CPEB3: variants seen among roughly 807,000 people sequenced by gnomAD.
CPEB3 encodes the protein cytoplasmic polyadenylation element-binding protein 3.
In CPEB3, 20 loss-of-function variants were observed where a neutral mutation model predicts 67.2. The ratio of observed to expected loss-of-function variants is 0.30; its 90% CI spans 0.21 to 0.43. CPEB3 has a LOEUF of 0.43. Among genes scored for constraint, CPEB3 ranks in the 20% least tolerant of loss-of-function variants. CPEB3 has a pLI of 1.00. For missense variants in CPEB3, 746 were observed against 968.6 expected (o/e 0.77, Z 3.05); for synonymous variants, 376 against 393.1 (o/e 0.96, Z 0.51).
chr10:92,047,275 A>C lies in CPEB3; in HGVS notation c.*4937T>G, dbSNP rs78525297. On this transcript the variant is annotated 3_prime_UTR_variant, in exon 10 of 10. Coordinates refer to ENST00000265997, the MANE Select transcript of CPEB3 (RefSeq NM_014912.5). The stretch of plus-strand genomic sequence containing the variant: ...TGGTTATTATAAAAGAAAAAAAAAA[A>C]CAAATGTTAGCTGACATACCATACA... 1 of 152,022 alleles carries C rather than the reference A, an allele frequency of 6.6e-6. No individual in the cohort carries two copies. The highest frequency in any genetic ancestry group is 1.5e-5 in the Non-Finnish European group (1 of 67,998). The allele number at this position is 152,022 out of a possible 1,614,324, so 9.4% of individuals were successfully genotyped here. A position where few individuals can be genotyped will look rare whatever the true frequency, so the allele number is the denominator to read the frequency against.
intron 7 of CPEB3, among the ~76,000 whole-genome samples, chr10:92,101,303 C>T (rs576598644): frequency 2.0e-5 from 3 of 152,170 alleles, no homozygotes; most frequent in Non-Finnish European, 4.4e-5. Flanking sequence ...TTTTCAGTAC[C>T]GTTCAAACTC....
intron 9 of CPEB3, among the ~76,000 whole-genome samples, chr10:92,076,839 GAA>G (rs766942747): frequency 2.8e-3 from 205 of 72,918 alleles, no homozygotes; most frequent in African/African-American, 6.1e-3. Flanking sequence ...GAGGAGGAAA[GAA>G]AGAGAGAGAA....
chr10:92,154,078 A>G (rs958295359), intron 4 of CPEB3, among the ~76,000 whole-genome samples: 14 of 152,354 alleles, frequency 9.2e-5, no homozygotes, highest in Admixed American at 9.1e-4. Flanking sequence ...TTTCATGGAG[A>G]GCATAAAAAC....
In CPEB3 at chr10:92,236,992, A is replaced by G. The variant is rs1036496259; in HGVS notation, c.1005+2354T>C. The stretch of plus-strand genomic sequence containing the variant: ...TTGCTATTCTATAAAATAAACTCTG[A>G]TTTAAATAAAATCACATTTGCCAGA... On this transcript the variant is annotated intron_variant, in intron 2 of 9. Coordinates refer to ENST00000265997, the MANE Select transcript of CPEB3 (RefSeq NM_014912.5). 2.0e-5 allele frequency among the ~76,000 whole-genome samples: 3 copies of G among 151,906 alleles called. No homozygotes were observed. The East Asian group carries it at 5.8e-4, about 29-fold the overall frequency.
intron 6 of CPEB3, among the ~76,000 whole-genome samples, chr10:92,126,584 A>T (rs1305932975): frequency 6.6e-6 from 1 of 152,230 alleles, no homozygotes; most frequent in African/African-American, 2.4e-5. Context: ...CAAATGTTAA[A>T]ATGTACCTTG....
At chr10:92,078,472 C>A (rs1046337813) in intron 9 of CPEB3, among the ~76,000 whole-genome samples, 13 of 152,024 alleles carry the variant, frequency 8.6e-5, no homozygotes, top group Non-Finnish European at 2.9e-5. Context: ...AGGCTTCTGG[C>A]CTTAAGTAAC....
In CPEB3 at chr10:92,061,432, A is replaced by C. The variant is rs572106561; in HGVS notation, c.1870-8993T>G. Among the ~76,000 whole-genome samples the C allele has an allele frequency of 3.2e-3, 492 of 151,458 alleles. 7 individuals carry two copies. Among genetic ancestry groups the C allele is most frequent in the African/African-American group, 0.01 (424 of 41,250 alleles). ...GAAATTCTGTCTCAAAAAAAAAAAA[A>C]AAAAAAAAAAACATATGAATAGATA... On this transcript the variant is annotated intron_variant, in intron 9 of 9. Coordinates refer to ENST00000265997, the MANE Select transcript of CPEB3 (RefSeq NM_014912.5).
rs1841908079 is a variant in CPEB3 at position 92,051,942 on chromosome 10, G to A, written c.*270C>T. ...CATACTGTCACGAGTGACAAATCAG[G>A]TATAAAAAATTAAGGTACCAAGCAG... On this transcript the variant is annotated 3_prime_UTR_variant, in exon 10 of 10. Transcript: ENST00000265997. The A allele has an allele frequency of 5.8e-6, 2 of 346,684 alleles. No homozygotes were observed. Among genetic ancestry groups the A allele is most frequent in the African/African-American group, 2.1e-5 (1 of 47,996 alleles). 21.5% of individuals were successfully genotyped at this position (346,684 alleles called of 1,614,324 possible).
chr10:92,053,976 A>G (rs1029603136), intron 9 of CPEB3, among the ~76,000 whole-genome samples: 1 of 152,206 alleles, frequency 6.6e-6, no homozygotes, highest in African/African-American at 2.4e-5. Flanking sequence ...GTAAGCCACC[A>G]TGCCTGGTCG....
intron 6 of CPEB3, among the ~76,000 whole-genome samples, chr10:92,134,267 C>T (rs190642082): frequency 0.01 from 1,582 of 152,134 alleles, 43 homozygotes; most frequent in African/African-American, 0.036. Context: ...TTTAGAAAAC[C>T]CCATCATCTC....
intron 1 of CPEB3, among the ~76,000 whole-genome samples, chr10:92,280,019 AAGAAAGAG>A (rs1292565264): frequency 6.6e-6 from 1 of 151,930 alleles, no homozygotes; most frequent in Non-Finnish European, 1.5e-5. Context: ...TCAAAAAAGA[AAGAAAGAG>A]AGAAAGAGAG....
chr10:92,077,355 G>A (rs1480790937), intron 9 of CPEB3, among the ~76,000 whole-genome samples: 2 of 152,074 alleles, frequency 1.3e-5, no homozygotes, highest in South Asian at 2.1e-4. Flanking sequence ...AGAAGAAAAC[G>A]AAGGGGACAG....
At chr10:92,082,363 C>T (rs769509037) in intron 8 of CPEB3, among the ~76,000 whole-genome samples, 5 of 152,306 alleles carry the variant, frequency 3.3e-5, no homozygotes, top group Non-Finnish European at 7.4e-5. Context: ...CAGCTCACTA[C>T]AACCTCCCCG....
At chr10:92,121,810 T>A (rs1036939652) in intron 6 of CPEB3, among the ~76,000 whole-genome samples, 4 of 152,146 alleles carry the variant, frequency 2.6e-5, no homozygotes, top group Admixed American at 2.6e-4. Flanking sequence ...GACAGGCAGC[T>A]CTCTCCTCTC....
At chr10:92,168,805 T>G (rs1490090895) in intron 4 of CPEB3, among the ~76,000 whole-genome samples, 1 of 150,474 alleles carries the variant, frequency 6.6e-6, no homozygotes, top group Non-Finnish European at 1.5e-5. Flanking sequence ...TTTTTTTTTT[T>G]TTTTTTTGAG....
chr10:92,069,294 T>C (rs1842665687), intron 9 of CPEB3, among the ~76,000 whole-genome samples: 1 of 152,294 alleles, frequency 6.6e-6, no homozygotes, highest in Non-Finnish European at 1.5e-5. Flanking sequence ...TTAAATATAT[T>C]AAGTACTTAA....
chr10:92,176,916 C>A (rs1848246983), intron 4 of CPEB3, among the ~76,000 whole-genome samples: 1 of 152,204 alleles, frequency 6.6e-6, no homozygotes, highest in Non-Finnish European at 1.5e-5. Context: ...GTGGCCCAAA[C>A]AAATCTGTAA....
intron 8 of CPEB3, among the ~76,000 whole-genome samples, chr10:92,083,368 G>A (rs1843234733): frequency 6.6e-6 from 1 of 152,214 alleles, no homozygotes. Flanking sequence ...CCAAGTTGAT[G>A]CTGACTGCAG....
intron 4 of CPEB3, among the ~76,000 whole-genome samples, chr10:92,179,971 T>C (rs568243926): frequency 6.6e-6 from 1 of 152,368 alleles, no homozygotes; most frequent in South Asian, 2.1e-4. Context: ...TCAGCTTGTA[T>C]ATCTGGGAAG....
Sources: allele counts gnomAD v4.1 joint callset (sites outside exome capture counted in the v4.1 genomes callset), GRCh38; gene constraint gnomAD v4.1.1; transcripts MANE v1.5; gene names NCBI Gene and HGNC (gene_info 2026-07-23, HGNC 2026-07-21).